Variants in MYT1L observed in about 807,000 individuals in gnomAD.
MYT1L encodes myelin transcription factor 1-like protein.
Under a neutral mutation model 126.7 loss-of-function variants are expected in MYT1L, and 12 were observed. The ratio of observed to expected loss-of-function variants is 0.09; its 90% CI spans 0.06 to 0.15. The LOEUF is 0.15. Among genes scored for constraint, MYT1L ranks in the 10% least tolerant of loss-of-function variants. The pLI is 1.00. For synonymous variants in MYT1L, 541 were observed against 604.2 expected (o/e 0.90, Z 1.53); for missense variants, 979 against 1,585.2 (o/e 0.62, Z 6.49).
intron 8 of MYT1L, among the ~76,000 whole-genome samples, chr2:1,965,996 C>T (rs566508758): frequency 3.3e-4 from 50 of 152,380 alleles, no homozygotes; most frequent in African/African-American, 9.6e-4. Flanking sequence ...GCCTGCACTG[C>T]GGCTCTGCCT....
intron 1 of MYT1L, among the ~76,000 whole-genome samples, chr2:2,311,508 T>A (rs2095970429): frequency 6.6e-6 from 1 of 152,214 alleles, no homozygotes; most frequent in Admixed American, 6.5e-5. Flanking sequence ...CTTCCTGTTA[T>A]TAAATGAAGC....
chr2:2,236,751 T>A, intron 2 of MYT1L, among the ~76,000 whole-genome samples: 1 of 149,216 alleles, frequency 6.7e-6, no homozygotes, highest in African/African-American at 2.5e-5. Context: ...GACTCATTGG[T>A]TGTCCTTTCT....
At chr2:2,278,394 C>T (rs1396629450) in intron 2 of MYT1L, among the ~76,000 whole-genome samples, 1 of 152,122 alleles carries the variant, frequency 6.6e-6, no homozygotes, top group African/African-American at 2.4e-5. Flanking sequence ...TGTTATGCAA[C>T]TTTGCATTTA....
At chr2:2,040,961 T>C (rs2067462149) in intron 4 of MYT1L, among the ~76,000 whole-genome samples, 1 of 152,140 alleles carries the variant, frequency 6.6e-6, no homozygotes, top group South Asian at 2.1e-4. Context: ...AACACTCAAA[T>C]AAGGCAAAAA....
chr2:2,124,080 A>G (rs1439007630), intron 3 of MYT1L, among the ~76,000 whole-genome samples: 1 of 152,198 alleles, frequency 6.6e-6, no homozygotes, highest in Non-Finnish European at 1.5e-5. Context: ...TGTAGGCAAC[A>G]ATACAGAGAC....
chr2:2,005,401 G>A (rs192347622), intron 4 of MYT1L, among the ~76,000 whole-genome samples: 98 of 124,786 alleles, frequency 7.9e-4, no homozygotes, highest in Non-Finnish European at 1.2e-3. Flanking sequence ...TCTTTCCTGC[G>A]TGCGTTCTTT....
chr2:1,819,735 C>T, intron 21 of MYT1L, among the ~76,000 whole-genome samples: 1 of 152,190 alleles, frequency 6.6e-6, no homozygotes. Context: ...TAAAGACAGA[C>T]ATTTGTTTGA....
At chr2:2,177,079 G>C (rs954100367) in intron 2 of MYT1L, among the ~76,000 whole-genome samples, 1 of 152,228 alleles carries the variant, frequency 6.6e-6, no homozygotes, top group African/African-American at 2.4e-5. Context: ...GCTGAGGAAG[G>C]GGATGAGAGC....
intron 3 of MYT1L, among the ~76,000 whole-genome samples, chr2:2,125,909 C>T (rs1268533215): frequency 2.6e-5 from 4 of 152,144 alleles, no homozygotes; most frequent in African/African-American, 4.8e-5. Context: ...GCAACAATGC[C>T]GCAATGCAAG....
chr2:2,306,493 G>T (rs1046772609), intron 1 of MYT1L, among the ~76,000 whole-genome samples: 3 of 152,106 alleles, frequency 2.0e-5, no homozygotes, highest in African/African-American at 4.8e-5. Flanking sequence ...TCCCAGAAAC[G>T]CAGCAAAACA....
intron 2 of MYT1L, among the ~76,000 whole-genome samples, chr2:2,259,212 G>A (rs2094894477): frequency 1.0e-5 from 1 of 97,328 alleles, no homozygotes; most frequent in African/African-American, 4.5e-5. Flanking sequence ...CATGGACACA[G>A]GAAGGGGAAT....
chr2:2,316,187 T>C (rs2096061811), intron 1 of MYT1L, among the ~76,000 whole-genome samples: 2 of 152,182 alleles, frequency 1.3e-5, no homozygotes, highest in African/African-American at 4.8e-5. Flanking sequence ...TCCTTTCCTT[T>C]TCCCACTGTG....
chr2:2,320,495 A>G (rs532251331), intron 1 of MYT1L, among the ~76,000 whole-genome samples: 2 of 152,160 alleles, frequency 1.3e-5, no homozygotes, highest in East Asian at 3.9e-4. Context: ...AAAAAAGAAA[A>G]AAAAAGCCAG....
At chr2:1,973,851 C>A (rs1232144111) in intron 8 of MYT1L, among the ~76,000 whole-genome samples, 1 of 152,224 alleles carries the variant, frequency 6.6e-6, no homozygotes, top group African/African-American at 2.4e-5. Flanking sequence ...AGGCCTCCCA[C>A]ACCAATGCAG....
intron 2 of MYT1L, among the ~76,000 whole-genome samples, chr2:2,227,893 T>C (rs2094055149): frequency 6.6e-6 from 1 of 152,236 alleles, no homozygotes; most frequent in Non-Finnish European, 1.5e-5. Flanking sequence ...TAACATGACC[T>C]TCTAGCATTT....
Position 2,262,915 on chromosome 2 carries a change from A to AATATAT in MYT1L, c.-421+21483_-421+21488dup, listed in dbSNP as rs61461867. ...GTTTTTACCCCAGGTGAGAGGCACA[A>AATATAT]ATATATATATATATATAACCTGTGA... On this transcript the variant is annotated intron_variant, in intron 2 of 24. Transcript: ENST00000647738. Among the ~76,000 whole-genome samples the AATATAT allele has an allele frequency of 6.9e-4, 43 of 62,516 alleles. 6 individuals carry two copies. Among genetic ancestry groups the AATATAT allele is most frequent in the Non-Finnish European group, 9.2e-4 (30 of 32,774 alleles). 41.0% of individuals were successfully genotyped at this position (62,516 alleles called of 152,430 possible).
At chr2:1,991,223 G>A (rs1442849743) in intron 5 of MYT1L, among the ~76,000 whole-genome samples, 2 of 152,168 alleles carry the variant, frequency 1.3e-5, no homozygotes, top group Non-Finnish European at 2.9e-5. Context: ...ATCACAGGGT[G>A]GATCCGGGGC....
intron 2 of MYT1L, among the ~76,000 whole-genome samples, chr2:2,190,534 G>A (rs2092526925): frequency 6.8e-6 from 1 of 146,464 alleles, no homozygotes; most frequent in Non-Finnish European, 1.5e-5. Flanking sequence ...CCAGCCTGCT[G>A]GGCCACAGAG....
intron 2 of MYT1L, among the ~76,000 whole-genome samples, chr2:2,225,969 A>T (rs2093998836): frequency 6.6e-6 from 1 of 152,152 alleles, no homozygotes; most frequent in Non-Finnish European, 1.5e-5. Context: ...GAATGGGGAC[A>T]TGGATGCAGG....
Sources: allele counts gnomAD v4.1 joint callset (sites outside exome capture counted in the v4.1 genomes callset), GRCh38; gene constraint gnomAD v4.1.1; transcripts MANE v1.5; gene names NCBI Gene and HGNC (gene_info 2026-07-23, HGNC 2026-07-21).